Variants in GLUD1 observed in about 807,000 individuals in gnomAD.
GLUD1 encodes glutamate dehydrogenase 1, also known as glutamate dehydrogenase 1, mitochondrial.
Under a neutral mutation model 56.0 loss-of-function variants are expected in GLUD1, and 22 were observed. That is an observed-to-expected ratio of 0.39 (90% CI 0.28 to 0.56). GLUD1 has a LOEUF of 0.56. GLUD1 is among the 20% of genes least tolerant of loss of function. The pLI, the probability that GLUD1 is intolerant of heterozygous loss-of-function variation, is 0.58. For synonymous variants in GLUD1, 223 were observed against 269.9 expected, an observed-to-expected ratio of 0.83 and a Z score of 1.70; for missense variants, 451 against 732.0, an observed-to-expected ratio of 0.62 and a Z score of 4.43.
intron 1 of GLUD1, among the ~76,000 whole-genome samples, chr10:87,080,213 T>G (rs969609165): frequency 2.4e-4 from 37 of 151,998 alleles, no homozygotes; most frequent in African/African-American, 8.9e-4. Context: ...GTGCCAGGAT[T>G]GCAGACGGTG....
intron 1 of GLUD1, among the ~76,000 whole-genome samples, chr10:87,078,213 T>C (rs1846454785): frequency 6.6e-6 from 1 of 152,232 alleles, no homozygotes. Flanking sequence ...GATTCTCAAA[T>C]TGTGAAATAA....
In GLUD1 at chr10:87,053,333, C is replaced by A; in HGVS notation, c.1557+9G>T. 6.3e-7 allele frequency: 1 copy of A among 1,597,736 alleles called. No individual in the cohort carries two copies. Among genetic ancestry groups the A allele is most frequent in the Non-Finnish European group, 8.6e-7 (1 of 1,165,060 alleles). On this transcript the variant is annotated intron_variant, in intron 12 of 12. Transcript: ENST00000277865. ...CTAGCTGGAAGGCAAACAGCATCTG[C>A]ACACATACCCTGGCAGAACGCTCCA...
chr10:87,069,882 A>G (rs1451312213), intron 4 of GLUD1, among the ~76,000 whole-genome samples: 2 of 152,102 alleles, frequency 1.3e-5, no homozygotes, highest in Non-Finnish European at 2.9e-5. Flanking sequence ...CAACAACAAC[A>G]AAATCTTGTG....
At chr10:87,063,884 CT>C (rs879765266) in intron 5 of GLUD1, among the ~76,000 whole-genome samples, 194 of 145,072 alleles carry the variant, frequency 1.3e-3, no homozygotes, top group African/African-American at 2.1e-3. Context: ...CTTTCTTTGT[CT>C]TTTTTTTTTT....
At chr10:87,053,321 A>G (rs1845688125) in intron 12 of GLUD1, 21 bp downstream of exon 12, 2 of 1,568,776 alleles carry the variant, frequency 1.3e-6, no homozygotes, top group Middle Eastern at 1.7e-4. Context: ...GCTGGAAGGC[A>G]AACAGCATCT....
intron 10 of GLUD1, 133 bp from the exon 11 acceptor site, chr10:87,057,915 C>T (rs1174281761): frequency 1.5e-6 from 1 of 652,312 alleles, no homozygotes; most frequent in African/African-American, 1.8e-5. Flanking sequence ...GTCACCCAGG[C>T]TGGAGTGTAG....
intron 4 of GLUD1, 82 bp from the exon 5 acceptor site, chr10:87,068,239 T>C: frequency 1.2e-6 from 1 of 832,098 alleles, no homozygotes; most frequent in South Asian, 1.4e-5. Context: ...TAAGTCTCTG[T>C]AATAACCAAG....
intron 12 of GLUD1, among the ~76,000 whole-genome samples, chr10:87,052,976 G>A (rs571346321): frequency 7.2e-5 from 11 of 152,246 alleles, no homozygotes; most frequent in Non-Finnish European, 1.2e-4. Flanking sequence ...TAGGGATCAA[G>A]CAGTCAAAAT....
At chr10:87,059,616 T>G (rs1407721217) in intron 9 of GLUD1, among the ~76,000 whole-genome samples, 1 of 152,250 alleles carries the variant, frequency 6.6e-6, no homozygotes, top group African/African-American at 2.4e-5. Flanking sequence ...CCACAGGGCC[T>G]CTCAGAAGAC....
Position 87,053,359 on chromosome 10 carries a change from T to G in GLUD1, c.1540A>C (p.Met514Leu). 1.9e-6 allele frequency: 3 copies of G among 1,611,068 alleles called. No individual in the cohort carries two copies. The highest frequency in any genetic ancestry group is 2.5e-6 in the Non-Finnish European group (3 of 1,177,206). Residue 514 changes from methionine (M) to leucine (L), a missense_variant, in exon 12 of 13, where the codon ATG becomes CTG. Transcript: ENST00000277865. ...ACACATACCCTGGCAGAACGCTCCA[T>G]TGTGTATGCCAAGCCAGAGTGCACG... Reference protein sequence around the residue: ...DIVHSGLAYTMERSARQIMRT... With the variant: ...DIVHSGLAYTLERSARQIMRT...
chr10:87,090,367 C>CTAA (rs1841482055), intron 1 of GLUD1, among the ~76,000 whole-genome samples: 1 of 152,120 alleles, frequency 6.6e-6, no homozygotes, highest in South Asian at 2.1e-4. Flanking sequence ...TTTTGATGCC[C>CTAA]TAATTCTTAC....
intron 1 of GLUD1, among the ~76,000 whole-genome samples, chr10:87,085,529 A>T (rs1841361973): frequency 6.6e-6 from 1 of 152,184 alleles, no homozygotes; most frequent in Admixed American, 6.5e-5. Context: ...TGTTTAGCTG[A>T]TATTAGAAAA....
chr10:87,054,945 C>T (rs548852675), intron 11 of GLUD1, among the ~76,000 whole-genome samples: 2 of 152,112 alleles, frequency 1.3e-5, no homozygotes, highest in African/African-American at 4.8e-5. Flanking sequence ...TGGGTAGATG[C>T]GGAAGCTCCC....
In GLUD1 at chr10:87,060,427, G is replaced by C. The variant is rs535986132; in HGVS notation, c.1198-186C>G. On this transcript the variant is annotated intron_variant, in intron 8 of 12. Coordinates refer to ENST00000277865, the MANE Select transcript of GLUD1 (RefSeq NM_005271.5). ...TACCTTTCACTTTTCTATTTATCTA[G>C]GTTTTTTTTTTGTTTGCTTGTTTTT... 7.4e-5 allele frequency: 49 copies of C among 666,356 alleles called. No individual in the cohort carries two copies. The African/African-American group carries it at 8.6e-4, about 12-fold the overall frequency. The allele number at this position is 666,356 out of a possible 1,614,324, so 41.3% of individuals were successfully genotyped here. A position where few individuals can be genotyped will look rare whatever the true frequency, so the allele number is the denominator to read the frequency against.
Position 87,062,906 on chromosome 10 carries a change from A to G in GLUD1, c.742-71T>C, listed in dbSNP as rs535763034. 1.0e-4 allele frequency: 138 copies of G among 1,380,960 alleles called. 1 individual carries two copies. The African/African-American group carries it at 1.6e-3, about 16-fold the overall frequency. 85.5% of individuals were successfully genotyped at this position (1,380,960 alleles called of 1,614,324 possible). A position where few individuals can be genotyped will look rare whatever the true frequency, so the allele number is the denominator to read the frequency against. On this transcript the variant is annotated intron_variant, in intron 5 of 12. Coordinates refer to ENST00000277865, the MANE Select transcript of GLUD1 (RefSeq NM_005271.5). Reference sequence around the variant, plus strand: ...CTCTGTTGAAGGAACATAATGAATTAAAGTCAAAGCACATTCTCATTTAAT... The same window carrying G: ...CTCTGTTGAAGGAACATAATGAATTGAAGTCAAAGCACATTCTCATTTAAT...
rs1047176333 is a variant in GLUD1 at position 87,094,269 on chromosome 10, A to AG, written c.445+55dup. The AG allele has an allele frequency of 1.3e-6, 2 of 1,507,978 alleles. No individual in the cohort carries two copies. The highest frequency in any genetic ancestry group is 1.8e-6 in the Non-Finnish European group (2 of 1,117,946). 93.4% of individuals were successfully genotyped at this position (1,507,978 alleles called of 1,614,324 possible). On this transcript the variant is annotated intron_variant, in intron 1 of 12. Coordinates refer to ENST00000277865, the MANE Select transcript of GLUD1 (RefSeq NM_005271.5). The surrounding 1 kb of genome is among the most constrained non-coding windows in gnomAD (Gnocchi z 6.6). The stretch of plus-strand genomic sequence containing the variant: ...CGGCCCCGCACCGGCAGGAGGCCGG[A>AG]GGGGAGGGCCGCAGGGGAGGCAGGG...
intron 1 of GLUD1, among the ~76,000 whole-genome samples, chr10:87,077,738 G>C (rs1266494804): frequency 6.6e-6 from 1 of 151,950 alleles, no homozygotes; most frequent in Non-Finnish European, 1.5e-5. Flanking sequence ...GAAAGTCTGA[G>C]TGGGGTTGAT....
At chr10:87,054,164 T>C (rs1344017989) in intron 11 of GLUD1, among the ~76,000 whole-genome samples, 1 of 152,160 alleles carries the variant, frequency 6.6e-6, no homozygotes, top group Non-Finnish European at 1.5e-5. Context: ...GTCACTGATA[T>C]AGTTTGGACA....
intron 4 of GLUD1, among the ~76,000 whole-genome samples, chr10:87,074,217 G>A (rs888965810): frequency 2.0e-5 from 3 of 152,246 alleles, no homozygotes; most frequent in Non-Finnish European, 4.4e-5. Flanking sequence ...CAAATAGTAG[G>A]AGGCCGGGCA....
Sources: gnomAD v4.1 joint callset for allele counts (sites outside exome capture counted in the v4.1 genomes callset) on GRCh38, gnomAD v4.1.1 for gene constraint, Gnocchi (gnomAD v3.1) non-coding constraint, MANE v1.5 for transcripts, NCBI Gene and HGNC (gene_info 2026-07-23, HGNC 2026-07-21) for gene names.